GRIP1: variants seen among roughly 807,000 people sequenced by gnomAD.
GRIP1 encodes the protein glutamate receptor interacting protein 1.
Under a neutral mutation model 129.9 loss-of-function variants are expected in GRIP1, and 45 were observed. The ratio of observed to expected loss-of-function variants is 0.35; its 90% CI spans 0.27 to 0.44. GRIP1 has a LOEUF of 0.44. Among genes scored for constraint, GRIP1 ranks in the 20% least tolerant of loss-of-function variants. GRIP1 has a pLI of 1.00. For missense variants in GRIP1, 1,196 were observed against 1,396.8 expected, an observed-to-expected ratio of 0.86 and a Z score of 2.29; for synonymous variants, 530 against 520.8, an observed-to-expected ratio of 1.02 and a Z score of -0.24.
At chr12:66,894,394 G>C (rs2040712097) in intron 1 of GRIP1, among the ~76,000 whole-genome samples, 1 of 152,152 alleles carries the variant, frequency 6.6e-6, no homozygotes, top group East Asian at 1.9e-4. Flanking sequence ...TCTCTTCTTA[G>C]ATTCTGAGTC....
chr12:66,393,944 G>A (rs7956920), intron 17 of GRIP1, among the ~76,000 whole-genome samples: 134,389 of 152,154 alleles, frequency 0.88, 61,220 homozygotes, highest in Non-Finnish European at 1. Flanking sequence ...ATACAAATCC[G>A]CCTTCAGTCA....
At chr12:66,844,494 C>T (rs1162429566) in intron 1 of GRIP1, among the ~76,000 whole-genome samples, 1 of 152,142 alleles carries the variant, frequency 6.6e-6, no homozygotes, top group African/African-American at 2.4e-5. Flanking sequence ...AAATTGGAAC[C>T]TTTATGGATT....
chr12:66,409,016 G>C (rs1352152474), intron 15 of GRIP1, among the ~76,000 whole-genome samples: 1 of 152,132 alleles, frequency 6.6e-6, no homozygotes, highest in Non-Finnish European at 1.5e-5. Flanking sequence ...TAGAGCACCA[G>C]GTAGATTCCT....
At chr12:66,632,277 A>C (rs999375110) in intron 1 of GRIP1, among the ~76,000 whole-genome samples, 5 of 152,216 alleles carry the variant, frequency 3.3e-5, no homozygotes, top group African/African-American at 1.2e-4. Flanking sequence ...ATAAAACCAG[A>C]AGGTCACAAG....
intron 5 of GRIP1, among the ~76,000 whole-genome samples, chr12:66,525,016 T>C (rs7973376): frequency 6.6e-6 from 1 of 151,636 alleles, no homozygotes; most frequent in Non-Finnish European, 1.5e-5. Flanking sequence ...AATAACAGGC[T>C]CTGAAATTGT....
intron 1 of GRIP1, among the ~76,000 whole-genome samples, chr12:66,990,177 T>C (rs1276919318): frequency 6.6e-6 from 1 of 152,200 alleles, no homozygotes; most frequent in Admixed American, 6.5e-5. Flanking sequence ...GCAAAGGTTG[T>C]TACTAGGCAC....
At chr12:66,353,733 A>G (rs1488084805) in intron 23 of GRIP1, among the ~76,000 whole-genome samples, 170 bp from the exon 24 acceptor site, 1 of 152,208 alleles carries the variant, frequency 6.6e-6, no homozygotes, top group East Asian at 1.9e-4. Context: ...CACTCCAAGA[A>G]TATCTTTGGA....
At chr12:66,733,852 A>G (rs888112689) in intron 1 of GRIP1, among the ~76,000 whole-genome samples, 4 of 152,188 alleles carry the variant, frequency 2.6e-5, no homozygotes, top group African/African-American at 9.7e-5. Context: ...AACACATGAC[A>G]GTTTTATTTC....
At chr12:66,841,267 T>C (rs2039710940) in intron 1 of GRIP1, among the ~76,000 whole-genome samples, 1 of 152,194 alleles carries the variant, frequency 6.6e-6, no homozygotes, top group African/African-American at 2.4e-5. Flanking sequence ...CTCTCTTTTC[T>C]TGTGCCTCTG....
At chr12:66,553,758 T>C (rs1004041078) in intron 2 of GRIP1, among the ~76,000 whole-genome samples, 2 of 151,714 alleles carry the variant, frequency 1.3e-5, no homozygotes, top group African/African-American at 4.8e-5. Flanking sequence ...GGAGGAAAAG[T>C]GCTGTGATTT....
chr12:66,456,803 G>A (rs2058979471), intron 9 of GRIP1, among the ~76,000 whole-genome samples: 1 of 152,120 alleles, frequency 6.6e-6, no homozygotes, highest in African/African-American at 2.4e-5. Flanking sequence ...CATGATTCAA[G>A]TGGTTTACTA....
At chr12:66,551,069 G>A (rs567279857) in intron 2 of GRIP1, among the ~76,000 whole-genome samples, 3 of 152,300 alleles carry the variant, frequency 2.0e-5, no homozygotes, top group Admixed American at 6.5e-5. Flanking sequence ...AATTGGCATG[G>A]CTATCTTTGA....
rs1256214155 is a variant in GRIP1 at position 66,776,025 on chromosome 12, C to A, written c.-420+28028G>T. On this transcript the variant is annotated intron_variant, in intron 1 of 4. Transcript: ENST00000538373. The stretch of plus-strand genomic sequence containing the variant: ...GGAACACAGGCTAGGAAAGGCTGCT[C>A]AGACTCCTGACCCAGCACACAATCC... Among the ~76,000 whole-genome samples, 14 of 152,190 alleles carry A rather than the reference C, an allele frequency of 9.2e-5. 1 individual carries two copies. Among genetic ancestry groups the A allele is most frequent in the Admixed American group, 8.5e-4 (13 of 15,282 alleles).
intron 1 of GRIP1, among the ~76,000 whole-genome samples, chr12:66,822,789 G>T (rs1056246016): frequency 6.6e-6 from 1 of 152,088 alleles, no homozygotes; most frequent in Admixed American, 6.6e-5. Context: ...CTTATAAGTG[G>T]AAGCAGAACA....
chr12:66,568,969 G>C (rs1816813510), intron 2 of GRIP1: 3 of 511,174 alleles, frequency 5.9e-6, no homozygotes, highest in African/African-American at 3.9e-5. Flanking sequence ...TTGATACACT[G>C]CATCTACAAG....
intron 1 of GRIP1, among the ~76,000 whole-genome samples, chr12:66,983,771 G>C (rs2042271626): frequency 2.0e-5 from 3 of 152,302 alleles, no homozygotes; most frequent in African/African-American, 7.2e-5. Flanking sequence ...GTAACCTACA[G>C]GGTACTGTGC....
At chr12:66,400,807 T>C (rs1036528245) in intron 16 of GRIP1, among the ~76,000 whole-genome samples, 3 of 152,254 alleles carry the variant, frequency 2.0e-5, no homozygotes, top group African/African-American at 7.2e-5. Flanking sequence ...TGCAAACCTC[T>C]ATCTCTTCCT....
chr12:66,769,506 G>A (rs2037750850), intron 1 of GRIP1, among the ~76,000 whole-genome samples: 1 of 152,144 alleles, frequency 6.6e-6, no homozygotes, highest in African/African-American at 2.4e-5. Flanking sequence ...GTGAGAAACA[G>A]CGAATTCCCT....
intron 1 of GRIP1, among the ~76,000 whole-genome samples, chr12:66,644,831 A>G (rs760255378): frequency 7.2e-5 from 11 of 152,214 alleles, no homozygotes; most frequent in Non-Finnish European, 1.5e-4. Context: ...ATACAATACT[A>G]TGGTAAATGT....
Sources: gnomAD v4.1 joint callset for allele counts (sites outside exome capture counted in the v4.1 genomes callset) on GRCh38, gnomAD v4.1.1 for gene constraint, MANE v1.5 for transcripts, NCBI Gene and HGNC (gene_info 2026-07-23, HGNC 2026-07-21) for gene names.